The following TRMT11 variants were observed in gnomAD, a reference collection of about 807,000 sequenced individuals.
TRMT11 encodes the protein tRNA methyltransferase 11, also known as tRNA (guanine(10)-N(2))-methyltransferase TRMT11.
Under a neutral mutation model 62.8 loss-of-function variants are expected in TRMT11, and 53 were observed. That is an observed-to-expected ratio of 0.84 (90% confidence interval 0.68 to 1.06). The LOEUF is 1.06. Among genes scored for constraint, TRMT11 ranks in the 50% least tolerant of loss-of-function variants. The pLI, the probability that TRMT11 is intolerant of heterozygous loss-of-function variation, is 0.00. For missense variants in TRMT11, 556 were observed against 553.4 expected (o/e 1.00, Z -0.05); for synonymous variants, 188 against 190.3 (o/e 0.99, Z 0.10).
At position 126,048,484 on chromosome 6, in the gene TRMT11, A is replaced by G. The variant is rs1776122702; in HGVS notation, c.*1370-4639A>G. Among the ~76,000 whole-genome samples, 4 of 152,180 alleles carry G rather than the reference A, an allele frequency of 2.6e-5. No homozygotes were observed. The South Asian group carries it at 8.3e-4, about 32-fold the overall frequency. ...TTAGGGGCTTCAAACAGTGGAAACA[A>G]ATTGTGGCGGCTGATAGAACTGTCG... On this transcript the variant is annotated intron_variant and NMD_transcript_variant, in intron 16 of 22. Coordinates refer to the TRMT11 transcript ENST00000648977.
chr6:126,156,385 T>C (rs1233794092), intron 21 of TRMT11, among the ~76,000 whole-genome samples: 1 of 152,200 alleles, frequency 6.6e-6, no homozygotes, highest in Non-Finnish European at 1.5e-5. Flanking sequence ...AACACCCATA[T>C]AGCAGGCTTC....
At chr6:126,191,764 A>G (rs992160527) in intron 1 of TRMT11, among the ~76,000 whole-genome samples, 4 of 151,972 alleles carry the variant, frequency 2.6e-5, no homozygotes, top group African/African-American at 9.7e-5. Context: ...TAAGTGTACG[A>G]TGTATCTCTG....
chr6:126,178,221 A>G (rs922307645), intron 1 of TRMT11, among the ~76,000 whole-genome samples: 9 of 152,208 alleles, frequency 5.9e-5, no homozygotes, highest in Non-Finnish European at 1.3e-4. Context: ...CCCTTCAAGG[A>G]AAGAGTTGTT....
intron 21 of TRMT11, among the ~76,000 whole-genome samples, chr6:126,120,651 C>T (rs1450345334): frequency 6.6e-6 from 1 of 152,068 alleles, no homozygotes; most frequent in African/African-American, 2.4e-5. Flanking sequence ...ACATTTGGCA[C>T]CTGATGTTTG....
At chr6:126,112,747 C>T (rs1777546177) in intron 17 of TRMT11, among the ~76,000 whole-genome samples, 1 of 152,098 alleles carries the variant, frequency 6.6e-6, no homozygotes. Context: ...CCACAAATCC[C>T]CTACAGATCG....
In TRMT11 at chr6:126,000,921, A is replaced by G. The variant is rs1390775565; in HGVS notation, c.679+1308A>G. On this transcript the variant is annotated intron_variant, in intron 7 of 12. Transcript: ENST00000334379. ...AATATCAAACTTTCAGAAAAGCTAC[A>G]AGAATAAAAGTAGGACAAAGAACAT... 2.6e-5 allele frequency among the ~76,000 whole-genome samples: 4 copies of G among 152,308 alleles called. No homozygotes were observed. The East Asian group carries it at 7.7e-4, about 29-fold the overall frequency.
At chr6:126,184,958 T>C (rs186395921) in intron 1 of TRMT11, among the ~76,000 whole-genome samples, 39 of 152,286 alleles carry the variant, frequency 2.6e-4, no homozygotes, top group African/African-American at 9.4e-4. Flanking sequence ...TGGTTTTGTG[T>C]TTGCACATTA....
At chr6:126,241,756 A>G in the TRMT11 span, among the ~76,000 whole-genome samples, 3 of 152,248 alleles carry the variant, frequency 2.0e-5, no homozygotes, top group Admixed American at 6.5e-5. Flanking sequence ...GCTTCATACT[A>G]AAAACTCTCA....
At chr6:125,995,395 G>A (rs987201635) in intron 2 of TRMT11, among the ~76,000 whole-genome samples, 2 of 152,156 alleles carry the variant, frequency 1.3e-5, no homozygotes, top group African/African-American at 2.4e-5. Context: ...GTAATCTTGG[G>A]TGTTGGGATA....
intron 11 of TRMT11, among the ~76,000 whole-genome samples, chr6:126,017,530 T>G (rs1234381243): frequency 6.6e-6 from 1 of 152,216 alleles, no homozygotes; most frequent in Non-Finnish European, 1.5e-5. Context: ...TTTGCCAGCA[T>G]CAAGATACTC....
chr6:126,156,358 A>G lies in TRMT11; in HGVS notation c.*1824-18467A>G, dbSNP rs114278029. Among the ~76,000 whole-genome samples, 1,340 of 152,146 alleles carry G rather than the reference A, an allele frequency of 8.8e-3. 19 individuals are homozygous for G. The highest frequency in any genetic ancestry group is 0.03 in the African/African-American group (1,234 of 41,500). On this transcript the variant is annotated intron_variant and NMD_transcript_variant, in intron 21 of 22. Transcript: ENST00000648977. ...ATTTCCCCTGGCACTGCCCTCGTAG[A>G]GTTTCTCTGTGGGGGCAACACCCAT...
intron 16 of TRMT11, among the ~76,000 whole-genome samples, chr6:126,048,764 G>A (rs1196405110): frequency 1.3e-5 from 2 of 152,126 alleles, no homozygotes; most frequent in Non-Finnish European, 2.9e-5. Context: ...TGGTAAGGAC[G>A]AACACACTGC....
intron 21 of TRMT11, among the ~76,000 whole-genome samples, chr6:126,144,814 G>A (rs1777956336): frequency 2.6e-5 from 4 of 152,040 alleles, no homozygotes; most frequent in Non-Finnish European, 5.9e-5. Context: ...ATTATTTTTT[G>A]AGAAGATGTG....
intron 1 of TRMT11, among the ~76,000 whole-genome samples, chr6:126,197,309 A>G (rs1778677971): frequency 6.6e-6 from 1 of 151,972 alleles, no homozygotes. Context: ...GTCTTTTAGG[A>G]TTTATGCCTT....
intron 21 of TRMT11, among the ~76,000 whole-genome samples, chr6:126,149,010 G>A (rs890650139): frequency 6.6e-6 from 1 of 152,206 alleles, no homozygotes; most frequent in African/African-American, 2.4e-5. Context: ...TGCTGGGTGT[G>A]GCTGTGATTT....
chr6:126,073,659 G>T (rs1396182349), intron 17 of TRMT11, among the ~76,000 whole-genome samples: 3 of 151,790 alleles, frequency 2.0e-5, no homozygotes, highest in African/African-American at 4.8e-5. Context: ...ACAGTCAGTG[G>T]ATATCAAAAA....
chr6:126,230,078 G>C, the TRMT11 span, among the ~76,000 whole-genome samples: 2 of 152,154 alleles, frequency 1.3e-5, no homozygotes, highest in Non-Finnish European at 2.9e-5. Flanking sequence ...GATGGCACCA[G>C]ATTAGAGGCC....
At chr6:126,179,356 T>G (rs1778428706) in intron 1 of TRMT11, among the ~76,000 whole-genome samples, 1 of 152,200 alleles carries the variant, frequency 6.6e-6, no homozygotes, top group African/African-American at 2.4e-5. Context: ...TCTGTATTGT[T>G]ATTTAAGTAG....
At chr6:126,030,958 G>T (rs187343269) in intron 12 of TRMT11, among the ~76,000 whole-genome samples, 1 of 152,288 alleles carries the variant, frequency 6.6e-6, no homozygotes, top group East Asian at 1.9e-4. Context: ...GACACCAGGA[G>T]AGAATTTTGA....
Sources: gnomAD v4.1 joint callset for allele counts (sites outside exome capture counted in the v4.1 genomes callset) on GRCh38, gnomAD v4.1.1 for gene constraint, MANE v1.5 for transcripts, NCBI Gene and HGNC (gene_info 2026-07-23, HGNC 2026-07-21) for gene names.